INPP5D: variants seen among roughly 807,000 people sequenced by gnomAD.
INPP5D encodes the protein phosphatidylinositol 3,4,5-trisphosphate 5-phosphatase 1.
A neutral mutation model predicts 122.9 loss-of-function variants in INPP5D; 33 were observed. The observed-to-expected ratio is 0.27, with a 90% confidence interval of 0.20 to 0.36. INPP5D has a LOEUF of 0.36. INPP5D is among the 10% of genes least tolerant of loss of function. The pLI is 1.00. For synonymous variants in INPP5D, 584 were observed against 576.2 expected (o/e 1.01, Z -0.19); for missense variants, 1,053 against 1,412.7 (o/e 0.75, Z 4.08).
intron 2 of INPP5D, among the ~76,000 whole-genome samples, chr2:233,109,350 G>A (rs1290466856): frequency 1.3e-5 from 2 of 152,204 alleles, no homozygotes; most frequent in South Asian, 2.1e-4. Flanking sequence ...GTCCTGGGCT[G>A]CTGCAGTCAC....
rs1694281055 is a variant in INPP5D, at chr2:233,164,610, C to T, written c.1555+186C>T. ...CTGGCTGAAACTCACTCAGGGTCTACACCAGCAGTCCCAGGGATCTAGCTA... is the reference window on the plus strand; with the variant it reads ...CTGGCTGAAACTCACTCAGGGTCTATACCAGCAGTCCCAGGGATCTAGCTA... On this transcript the variant is annotated intron_variant, in intron 13 of 26. Transcript: ENST00000445964. The surrounding 1 kb of genome is among the most constrained non-coding windows in gnomAD (Gnocchi z 4.3). Among the ~76,000 whole-genome samples the T allele has an allele frequency of 1.3e-5, 2 of 152,194 alleles. No individual in the cohort carries two copies. The highest frequency in any genetic ancestry group is 4.1e-4 in the South Asian group (2 of 4,836).
chr2:233,118,249 C>T (rs565125588), intron 2 of INPP5D, among the ~76,000 whole-genome samples: 2 of 152,350 alleles, frequency 1.3e-5, no homozygotes, highest in South Asian at 2.1e-4. Flanking sequence ...CTACCGGCCA[C>T]TCTGCCCTGT....
In INPP5D at chr2:233,078,748, T is replaced by C. The variant is rs1691593805; in HGVS notation, c.135-587T>C. Among the ~76,000 whole-genome samples the C allele has an allele frequency of 6.6e-6, 1 of 152,184 alleles. No homozygotes were observed. Among genetic ancestry groups the C allele is most frequent in the African/African-American group, 2.4e-5 (1 of 41,440 alleles). Reference sequence around the variant, plus strand: ...GCCAGGCTGGAGTGAAGTGGCACATTCTCGGCTCACTGCAACCTCCGCCTC... The same window carrying C: ...GCCAGGCTGGAGTGAAGTGGCACATCCTCGGCTCACTGCAACCTCCGCCTC... On this transcript the variant is annotated intron_variant, in intron 1 of 26. Coordinates refer to ENST00000445964, the MANE Select transcript of INPP5D (RefSeq NM_001017915.3). The surrounding 1 kb of genome is among the most constrained non-coding windows in gnomAD (Gnocchi z 4.6).
intron 19 of INPP5D, among the ~76,000 whole-genome samples, chr2:233,182,736 C>T (rs531709514): frequency 1.8e-4 from 27 of 151,574 alleles, no homozygotes; most frequent in Non-Finnish European, 2.2e-4. Flanking sequence ...AGTCTGAAAA[C>T]GTGGGTAAAT....
intron 22 of INPP5D, among the ~76,000 whole-genome samples, chr2:233,192,317 T>C (rs934864732): frequency 6.6e-6 from 1 of 152,154 alleles, no homozygotes; most frequent in Non-Finnish European, 1.5e-5. Flanking sequence ...TATACTGTAA[T>C]CCTCCTTTGT....
intron 23 of INPP5D, among the ~76,000 whole-genome samples, chr2:233,194,694 C>T (rs1695138633): frequency 6.6e-6 from 1 of 152,046 alleles, no homozygotes; most frequent in African/African-American, 2.4e-5. Context: ...GACAGGGTTT[C>T]ACCACGTTGA....
chr2:233,130,664 C>CG lies in INPP5D; in HGVS notation c.665+21dup. 1 of 1,613,456 alleles carries CG rather than the reference C, an allele frequency of 6.2e-7. No individual in the cohort carries two copies. The highest frequency in any genetic ancestry group is 8.5e-7 in the Non-Finnish European group (1 of 1,179,592). On this transcript the variant is annotated intron_variant, in intron 5 of 26. Transcript: ENST00000445964. Reference sequence around the variant, plus strand: ...AGCTCTATGGGTAATGGCTGGCCCACGGGGGCGGGCAGGTGGGGGCGGCCA... The same window carrying CG: ...AGCTCTATGGGTAATGGCTGGCCCACGGGGGGCGGGCAGGTGGGGGCGGCCA...
rs1291281370 is a variant in INPP5D at position 233,130,559 on chromosome 2, C to T, written c.576C>T (p.Leu192=). ...TCCAAGATTATTTAAGCACTCAGCT[C>T]GCCCAGGACTCTGAATTTGTGAAGA... The part of the protein sequence containing the change: ...KAIQDYLSTQ[L]AQDSEFVKTG... Residue 192 remains leucine, a synonymous_variant, in exon 5 of 27, where the codon CTC becomes CTT. Transcript: ENST00000445964. 4.3e-5 allele frequency: 69 copies of T among 1,613,844 alleles called. 1 individual carries two copies. The highest frequency in any genetic ancestry group is 5.3e-5 in the Non-Finnish European group (63 of 1,179,876).
intron 5 of INPP5D, among the ~76,000 whole-genome samples, chr2:233,138,303 T>TAA (rs749510803): frequency 7.7e-5 from 8 of 103,626 alleles, no homozygotes; most frequent in East Asian, 3.4e-4. Flanking sequence ...TAAGATTGTC[T>TAA]AAAAAAAAAA....
rs552550678 is a variant in INPP5D, at chr2:233,065,944, C to CTTTTTT, written c.134+5334_134+5339dup. ...ACAGGTGTGAGCCACCGCACCTGGC[C>CTTTTTT]TTTTTTTAAAATTATTATTATTTTA... On this transcript the variant is annotated intron_variant, in intron 1 of 26. Transcript: ENST00000445964. 7.1e-5 allele frequency among the ~76,000 whole-genome samples: 8 copies of CTTTTTT among 112,754 alleles called. No individual in the cohort carries two copies. In the East Asian group the frequency reaches 3.1e-3, roughly 44 times the overall value. The allele number at this position is 112,754 out of a possible 152,430, so 74.0% of individuals were successfully genotyped here. A position where few individuals can be genotyped will look rare whatever the true frequency, so the allele number is the denominator to read the frequency against.
chr2:233,146,304 A>C, intron 7 of INPP5D, 62 bp downstream of exon 7: 1 of 704,218 alleles, frequency 1.4e-6, no homozygotes, highest in Non-Finnish European at 2.6e-6. Context: ...TTGCATGGAG[A>C]ATGCCCAGAT....
chr2:233,123,007 G>A (rs1027486847), intron 3 of INPP5D, among the ~76,000 whole-genome samples: 15 of 152,138 alleles, frequency 9.9e-5, no homozygotes, highest in African/African-American at 3.4e-4. Context: ...ATGCAGCTAC[G>A]GTCATTAGCA....
chr2:233,086,161 C>T (rs1360224210), intron 2 of INPP5D, among the ~76,000 whole-genome samples: 1 of 146,754 alleles, frequency 6.8e-6, no homozygotes, highest in Non-Finnish European at 1.5e-5. Context: ...TTCTTTCTTT[C>T]TTTCTTTCTT....
In INPP5D at chr2:233,138,728, ATTTTATTTTTAT is replaced by A. The variant is rs148927527; in HGVS notation, c.666-1091_666-1080del. ...AAGTTGTTCAGAGCAGGTTTTATTT[ATTTTATTTTTAT>A]TTTTATTTTTATTTTTATTTTTGAG... is the stretch of plus-strand genomic sequence containing the variant. On this transcript the variant is annotated intron_variant, in intron 5 of 26. Coordinates refer to ENST00000445964, the MANE Select transcript of INPP5D (RefSeq NM_001017915.3). 3.7e-3 allele frequency among the ~76,000 whole-genome samples: 554 copies of A among 149,726 alleles called. 5 individuals are homozygous for A. The highest frequency in any genetic ancestry group is 7.5e-3 in the African/African-American group (305 of 40,852).
rs919475608 is a variant in INPP5D at position 233,177,080 on chromosome 2, G to A, written c.1990-185G>A. ...GTTATCTTAGTCTAAAGAAGAAGGCGTGGCAGTGGAGTCTGGACTTGAGCC... is the reference window on the plus strand; with the variant it reads ...GTTATCTTAGTCTAAAGAAGAAGGCATGGCAGTGGAGTCTGGACTTGAGCC... On this transcript the variant is annotated intron_variant, in intron 17 of 26. Transcript: ENST00000445964. The surrounding 1 kb of genome is among the most constrained non-coding windows in gnomAD (Gnocchi z 4.2). 2.0e-5 allele frequency among the ~76,000 whole-genome samples: 3 copies of A among 152,110 alleles called. No homozygotes were observed. Among genetic ancestry groups the A allele is most frequent in the Non-Finnish European group, 4.4e-5 (3 of 68,016 alleles).
At chr2:233,134,453 A>T (rs1693411965) in intron 5 of INPP5D, among the ~76,000 whole-genome samples, 1 of 152,140 alleles carries the variant, frequency 6.6e-6, no homozygotes, top group South Asian at 2.1e-4. Flanking sequence ...GTCCAGGTCT[A>T]TTTGCTTGGA....
intron 13 of INPP5D, among the ~76,000 whole-genome samples, chr2:233,166,523 C>A (rs1346701079): frequency 6.6e-6 from 1 of 152,146 alleles, no homozygotes; most frequent in Non-Finnish European, 1.5e-5. Context: ...AGGAGAAAGG[C>A]CTGGCCAGAG....
intron 2 of INPP5D, among the ~76,000 whole-genome samples, chr2:233,085,143 T>A (rs1219093464): frequency 6.6e-6 from 1 of 152,146 alleles, no homozygotes; most frequent in African/African-American, 2.4e-5. Flanking sequence ...CCCAGCACTT[T>A]GGGAGGCTGA....
At chr2:233,113,581 A>G (rs1692692575) in intron 2 of INPP5D, among the ~76,000 whole-genome samples, 12 of 152,104 alleles carry the variant, frequency 7.9e-5, no homozygotes, top group Admixed American at 6.6e-4. Flanking sequence ...GCTCTTCCCA[A>G]ATCTGTCCCC....
Sources: allele counts gnomAD v4.1 joint callset (sites outside exome capture counted in the v4.1 genomes callset), GRCh38; gene constraint gnomAD v4.1.1; non-coding constraint Gnocchi (gnomAD v3.1); transcripts MANE v1.5; gene names NCBI Gene and HGNC (gene_info 2026-07-23, HGNC 2026-07-21).